Variants in KCNQ1 observed in about 807,000 individuals in gnomAD.
KCNQ1 encodes the protein potassium voltage-gated channel subfamily Q member 1, also known as potassium voltage-gated channel subfamily KQT member 1.
A neutral mutation model predicts 72.4 loss-of-function variants in KCNQ1; 49 were observed. That is an observed-to-expected ratio of 0.68 (90% CI 0.54 to 0.86). KCNQ1 has a LOEUF of 0.86. Ranked by LOEUF, KCNQ1 falls within the 40% of genes least tolerant of loss-of-function variation. The probability of loss-of-function intolerance (pLI) is 0.00; values close to 1 mark genes in which losing one functional copy is unlikely to be tolerated. For missense variants in KCNQ1, 790 were observed against 945.1 expected (o/e 0.84, Z 2.15); for synonymous variants, 450 against 412.6 (o/e 1.09, Z -1.10).
rs1311824105 is a variant in KCNQ1 at position 2,593,411 on chromosome 11, G to A, written c.1393+4557G>A. Reference sequence around the variant, plus strand: ...TTTGCTGCTCAGAGAACACTGGGCTGTAAGGTCGTGGTCTGTGACGTAGGA... The same window carrying A: ...TTTGCTGCTCAGAGAACACTGGGCTATAAGGTCGTGGTCTGTGACGTAGGA... On this transcript the variant is annotated intron_variant, in intron 10 of 15. Transcript: ENST00000155840. The surrounding 1 kb of genome is among the most constrained non-coding windows in gnomAD (Gnocchi z 6.9). Among the ~76,000 whole-genome samples, 1 of 152,130 alleles carries A rather than the reference G, an allele frequency of 6.6e-6. No homozygotes were observed. The highest frequency in any genetic ancestry group is 2.4e-5 in the African/African-American group (1 of 41,428).
Position 2,661,759 on chromosome 11 carries a change from G to C in KCNQ1, c.1394-202G>C, listed in dbSNP as rs1849960026. 3.1e-6 allele frequency: 2 copies of C among 645,074 alleles called. No individual in the cohort carries two copies. The highest frequency in any genetic ancestry group is 5.6e-6 in the Non-Finnish European group (2 of 359,440). The allele number at this position is 645,074 out of a possible 1,614,324, so 40.0% of individuals were successfully genotyped here. On this transcript the variant is annotated intron_variant, in intron 10 of 15. Transcript: ENST00000155840. The surrounding 1 kb of genome is among the most constrained non-coding windows in gnomAD (Gnocchi z 5.9). Reference sequence around the variant, plus strand: ...GATTCACTGGCCTTTATTCTCCTCAGACACTGAGGTGTCAGGCACTTTGGG... The same window carrying C: ...GATTCACTGGCCTTTATTCTCCTCACACACTGAGGTGTCAGGCACTTTGGG...
chr11:2,616,202 TTG>T (rs199954397), intron 10 of KCNQ1: 5,931 of 397,144 alleles, frequency 0.015, 33 homozygotes, highest in Non-Finnish European at 0.015. Flanking sequence ...GTTCCCACTT[TTG>T]TTTTTTTTTC....
At chr11:2,649,086 A>G in intron 10 of KCNQ1, 1 of 384,222 alleles carries the variant, frequency 2.6e-6, no homozygotes, top group Non-Finnish European at 4.5e-6. Flanking sequence ...CCATTCCCTT[A>G]CAGTCTATGG....
rs1446382689 is a variant in KCNQ1 at position 2,482,939 on chromosome 11, G to A, written c.386+37455G>A. Among the ~76,000 whole-genome samples the A allele has an allele frequency of 3.9e-5, 6 of 152,190 alleles. No individual in the cohort carries two copies. The East Asian group carries it at 5.8e-4, about 15-fold the overall frequency. ...GGAGAGAGTCATGGACCGGCATGGC[G>A]TGGTAATGCATGGTGCGTGTCTCTT... is the stretch of plus-strand genomic sequence containing the variant. On this transcript the variant is annotated intron_variant, in intron 1 of 15. Transcript: ENST00000155840. The surrounding 1 kb of genome is among the most constrained non-coding windows in gnomAD (Gnocchi z 5.7).
chr11:2,848,608 G>C lies in KCNQ1; in HGVS notation c.*605G>C. On this transcript the variant is annotated 3_prime_UTR_variant, in exon 16 of 16. Coordinates refer to ENST00000155840, the MANE Select transcript of KCNQ1 (RefSeq NM_000218.3). ...CTGAGCCCCCAGCTTCCAGCAGGAG[G>C]GACAGTCTCACCATTTCCCCAGGGC... is the stretch of plus-strand genomic sequence containing the variant. 2.2e-6 allele frequency: 1 copy of C among 453,570 alleles called. No individual in the cohort carries two copies. Among genetic ancestry groups the C allele is most frequent in the Non-Finnish European group, 4.4e-6 (1 of 226,300 alleles). 28.1% of individuals were successfully genotyped at this position (453,570 alleles called of 1,614,324 possible).
chr11:2,639,731 T>C (rs1259440766), intron 10 of KCNQ1: 2 of 152,382 alleles, frequency 1.3e-5, no homozygotes, highest in East Asian at 3.8e-4. Context: ...CACTACTCTT[T>C]TCAAAGCTGT....
chr11:2,451,655 C>A lies in KCNQ1; in HGVS notation c.386+6171C>A, dbSNP rs1003475322. Among the ~76,000 whole-genome samples, 1 of 152,144 alleles carries A rather than the reference C, an allele frequency of 6.6e-6. No homozygotes were observed. Among genetic ancestry groups the A allele is most frequent in the African/African-American group, 2.4e-5 (1 of 41,420 alleles). ...TGGAGTCTGTTGGCATCTGCCTGGCCGCCTCTGGCAGGAACTTCTCCTGAT... is the reference window on the plus strand; with the variant it reads ...TGGAGTCTGTTGGCATCTGCCTGGCAGCCTCTGGCAGGAACTTCTCCTGAT... On this transcript the variant is annotated intron_variant, in intron 1 of 15. Transcript: ENST00000155840. This position sits in a 1 kb window ranked among gnomAD's most constrained non-coding sequence, Gnocchi z 6.4.
chr11:2,610,681 A>C (rs1240646725), intron 10 of KCNQ1: 4 of 393,214 alleles, frequency 1.0e-5, no homozygotes, highest in African/African-American at 2.1e-5. Context: ...CTTCTTTTTG[A>C]AAGAAACTTT....
chr11:2,791,287 A>G (rs1847016662), intron 15 of KCNQ1, among the ~76,000 whole-genome samples: 1 of 152,172 alleles, frequency 6.6e-6, no homozygotes, highest in Non-Finnish European at 1.5e-5. Context: ...GACAGCATCA[A>G]TTGCGGGAGT....
At chr11:2,574,340 G>A (rs1057399089) in intron 6 of KCNQ1, among the ~76,000 whole-genome samples, 6 of 152,188 alleles carry the variant, frequency 3.9e-5, no homozygotes, top group African/African-American at 9.6e-5. Flanking sequence ...ACCGACCTCC[G>A]GGCTCACTCA....
At chr11:2,461,784 G>C in intron 1 of KCNQ1, 1 of 1,285,328 alleles carries the variant, frequency 7.8e-7, no homozygotes, top group Non-Finnish European at 1.0e-6. Flanking sequence ...CTGAATTGTG[G>C]TCAGTTATGG....
chr11:2,685,765 G>A (rs1035933040), intron 11 of KCNQ1: 15 of 398,588 alleles, frequency 3.8e-5, no homozygotes, highest in Non-Finnish European at 4.9e-5. Context: ...ATCCTCCCAG[G>A]TGGCAGTGAG....
Position 2,836,737 on chromosome 11 carries a change from G to A in KCNQ1, c.1795-11030G>A, listed in dbSNP as rs565326525. 1.1e-4 allele frequency among the ~76,000 whole-genome samples: 16 copies of A among 152,334 alleles called. No individual in the cohort carries two copies. In the South Asian group the frequency reaches 1.2e-3, roughly 12 times the overall value. On this transcript the variant is annotated intron_variant, in intron 15 of 15. Transcript: ENST00000155840. ...CCACATGTGTGTCACATCACGCCTC[G>A]CCTCACTCGTGCTAAACCTCGCTGA... is the stretch of plus-strand genomic sequence containing the variant.
chr11:2,539,194 C>A (rs537260175), intron 2 of KCNQ1, among the ~76,000 whole-genome samples: 2 of 152,200 alleles, frequency 1.3e-5, no homozygotes, highest in African/African-American at 4.8e-5. Flanking sequence ...TCCAGATCTC[C>A]GCCAGGTGCG....
intron 11 of KCNQ1, chr11:2,665,062 T>C (rs1850040530): frequency 2.5e-6 from 1 of 398,292 alleles, no homozygotes; most frequent in Non-Finnish European, 4.4e-6. Flanking sequence ...TAGGGAGTCA[T>C]GACAAGCTGA....
intron 15 of KCNQ1, among the ~76,000 whole-genome samples, chr11:2,837,329 C>G (rs1387532414): frequency 6.6e-6 from 1 of 152,090 alleles, no homozygotes; most frequent in Non-Finnish European, 1.5e-5. Context: ...GGGGCCTCAT[C>G]CTTCCCCTGA....
intron 15 of KCNQ1, among the ~76,000 whole-genome samples, chr11:2,829,831 C>G (rs982666131): frequency 6.7e-6 from 1 of 150,074 alleles, no homozygotes; most frequent in African/African-American, 2.5e-5. Context: ...CCAGGGAAGG[C>G]TGTTTAAAGA....
At chr11:2,583,392 C>A in intron 6 of KCNQ1, 43 bp from the exon 7 acceptor site, 1 of 1,421,530 alleles carries the variant, frequency 7.0e-7, no homozygotes, top group Non-Finnish European at 1.0e-6. Flanking sequence ...CCTCCCGAGG[C>A]TCCAGTCCCA....
intron 1 of KCNQ1, among the ~76,000 whole-genome samples, chr11:2,472,924 C>T (rs1366613866): frequency 6.6e-6 from 1 of 151,946 alleles, no homozygotes; most frequent in East Asian, 1.9e-4. Flanking sequence ...TCCAGGGCCC[C>T]CCATCACCCC....
Sources: allele counts gnomAD v4.1 joint callset (sites outside exome capture counted in the v4.1 genomes callset), GRCh38; gene constraint gnomAD v4.1.1; non-coding constraint Gnocchi (gnomAD v3.1); transcripts MANE v1.5; gene names NCBI Gene and HGNC (gene_info 2026-07-23, HGNC 2026-07-21).